KIAA1328: variants seen among roughly 807,000 people sequenced by gnomAD.
KIAA1328 encodes the protein protein hinderin.
In KIAA1328, 52 loss-of-function variants were observed where a neutral mutation model predicts 68.1. The observed-to-expected ratio is 0.76, with a 90% CI of 0.61 to 0.96. The LOEUF is 0.96. KIAA1328 is among the 40% of genes least tolerant of loss of function. KIAA1328 has a pLI of 0.00. For missense variants in KIAA1328, 641 were observed against 677.6 expected (o/e 0.95, Z 0.60); for synonymous variants, 232 against 239.4 (o/e 0.97, Z 0.28).
rs756163358 is a variant in KIAA1328, at chr18:36,829,156, C to T, written c.18C>T (p.Gly6=). ...GTTTCAAGATGGCGGACGTGGCGGG[C>T]CCCTCCCGCCCCAGTGCCGCGGCGT... MADVA[G]PSRPSAAAFW... Residue 6 remains glycine (G), a synonymous_variant, in exon 1 of 10, where the codon GGC becomes GGT. Coordinates refer to ENST00000280020, the MANE Select transcript of KIAA1328 (RefSeq NM_020776.3). 38 of 1,527,134 alleles carry T rather than the reference C, an allele frequency of 2.5e-5. No individual in the cohort carries two copies. In the African/African-American group the frequency reaches 4.5e-4, roughly 18 times the overall value. The allele number at this position is 1,527,134 out of a possible 1,614,324, so 94.6% of individuals were successfully genotyped here. A position where few individuals can be genotyped will look rare whatever the true frequency, so the allele number is the denominator to read the frequency against.
intron 7 of KIAA1328, among the ~76,000 whole-genome samples, chr18:37,123,363 C>G (rs2058317232): frequency 6.6e-6 from 1 of 151,554 alleles, no homozygotes. Context: ...GATATGTAAC[C>G]AAAACTTTTT....
chr18:36,925,995 T>C (rs2050101788), intron 5 of KIAA1328, among the ~76,000 whole-genome samples: 2 of 152,124 alleles, frequency 1.3e-5, no homozygotes, highest in Admixed American at 1.3e-4. Context: ...TCTCAACTTT[T>C]TTTTTTCTTA....
chr18:36,910,437 T>A (rs182771836), intron 5 of KIAA1328, among the ~76,000 whole-genome samples: 3 of 152,216 alleles, frequency 2.0e-5, no homozygotes, highest in East Asian at 3.9e-4. Context: ...GTTGTAGATG[T>A]GTGGTATTAT....
chr18:36,844,531 C>T (rs1339640558), intron 4 of KIAA1328, among the ~76,000 whole-genome samples: 1 of 151,862 alleles, frequency 6.6e-6, no homozygotes, highest in African/African-American at 2.4e-5. Flanking sequence ...TTAACTTTCC[C>T]AATTGTTTGA....
intron 6 of KIAA1328, among the ~76,000 whole-genome samples, chr18:36,962,082 G>T (rs1295089451): frequency 6.6e-6 from 1 of 152,148 alleles, no homozygotes; most frequent in Non-Finnish European, 1.5e-5. Context: ...CTCATGTGCA[G>T]AGACACACAT....
At chr18:36,912,030 T>C (rs188615676) in intron 5 of KIAA1328, among the ~76,000 whole-genome samples, 10 of 152,332 alleles carry the variant, frequency 6.6e-5, no homozygotes, top group African/African-American at 2.4e-4. Context: ...TAAATTTTAA[T>C]ATTCTTTAGT....
chr18:37,087,962 A>C (rs2057154428), intron 7 of KIAA1328, among the ~76,000 whole-genome samples: 1 of 152,142 alleles, frequency 6.6e-6, no homozygotes, highest in Non-Finnish European at 1.5e-5. Context: ...AGTCATCTTC[A>C]TACAATGGGG....
intron 6 of KIAA1328, among the ~76,000 whole-genome samples, chr18:37,039,793 G>T (rs2055173671): frequency 6.6e-6 from 1 of 152,134 alleles, no homozygotes; most frequent in South Asian, 2.1e-4. Flanking sequence ...AGTCCTGTAG[G>T]TCAGAAGTCC....
chr18:37,117,901 T>C (rs928922722), intron 7 of KIAA1328, among the ~76,000 whole-genome samples: 26 of 150,664 alleles, frequency 1.7e-4, no homozygotes, highest in South Asian at 4.2e-4. Context: ...TATATATATA[T>C]ACTAACATAT....
At chr18:36,960,045 G>A (rs982549996) in intron 6 of KIAA1328, among the ~76,000 whole-genome samples, 7 of 152,148 alleles carry the variant, frequency 4.6e-5, no homozygotes, top group South Asian at 2.1e-4. Flanking sequence ...GGGGATTTCC[G>A]TTTCCTAGCC....
intron 7 of KIAA1328, among the ~76,000 whole-genome samples, chr18:37,104,349 T>C (rs939045542): frequency 6.6e-6 from 1 of 152,144 alleles, no homozygotes; most frequent in Non-Finnish European, 1.5e-5. Flanking sequence ...TGAATGAAAA[T>C]GAGTCATTTG....
chr18:37,191,521 A>G (rs933077782), intron 9 of KIAA1328, among the ~76,000 whole-genome samples: 2 of 152,166 alleles, frequency 1.3e-5, no homozygotes, highest in African/African-American at 4.8e-5. Flanking sequence ...TGTAAAGCCA[A>G]TCCATCATGG....
intron 6 of KIAA1328, among the ~76,000 whole-genome samples, chr18:37,060,587 T>C (rs73419039): frequency 0.012 from 1,871 of 152,294 alleles, 29 homozygotes; most frequent in African/African-American, 0.04. Context: ...CTTATTGGAT[T>C]GGCAGTGCCT....
At chr18:37,003,381 TC>T (rs1488290604) in intron 6 of KIAA1328, among the ~76,000 whole-genome samples, 5 of 152,178 alleles carry the variant, frequency 3.3e-5, no homozygotes, top group Middle Eastern at 6.8e-3. Context: ...AAAGAAGTAA[TC>T]AACAGAGTAA....
downstream of KIAA1328, among the ~76,000 whole-genome samples, chr18:37,226,862 G>A (rs1008652756): frequency 6.6e-5 from 10 of 151,620 alleles, no homozygotes; most frequent in African/African-American, 2.4e-4. Context: ...CCGCCTCCCG[G>A]GTTCAAGCAA....
chr18:36,997,453 T>C (rs2053434012), intron 6 of KIAA1328, among the ~76,000 whole-genome samples: 1 of 152,110 alleles, frequency 6.6e-6, no homozygotes. Flanking sequence ...TAGTCTGGAA[T>C]TGTGCAATCC....
intron 6 of KIAA1328, among the ~76,000 whole-genome samples, chr18:36,971,658 T>C (rs2052218818): frequency 6.6e-6 from 1 of 152,030 alleles, no homozygotes; most frequent in African/African-American, 2.4e-5. Flanking sequence ...AAAAATGTGG[T>C]ACTGTATACC....
chr18:37,197,427 TAAA>T (rs1238105920), intron 9 of KIAA1328, among the ~76,000 whole-genome samples: 1 of 152,066 alleles, frequency 6.6e-6, no homozygotes, highest in African/African-American at 2.4e-5. Context: ...AAAGCAAGAA[TAAA>T]AAAATCCAAT....
intron 6 of KIAA1328, among the ~76,000 whole-genome samples, chr18:37,054,802 CT>C (rs1483769879): frequency 6.6e-6 from 1 of 152,182 alleles, no homozygotes; most frequent in African/African-American, 2.4e-5. Context: ...CATGAACCCC[CT>C]GAATCTATTT....
Sources: gnomAD v4.1 joint callset for allele counts (sites outside exome capture counted in the v4.1 genomes callset) on GRCh38, gnomAD v4.1.1 for gene constraint, MANE v1.5 for transcripts, NCBI Gene and HGNC (gene_info 2026-07-23, HGNC 2026-07-21) for gene names.